The following PREX1 variants were observed in gnomAD, a reference collection of about 807,000 sequenced individuals.
The protein encoded by PREX1 is phosphatidylinositol-3,4,5-trisphosphate dependent Rac exchange factor 1.
Under a neutral mutation model 198.3 loss-of-function variants are expected in PREX1, and 41 were observed. That is an observed-to-expected ratio of 0.21 (90% CI 0.16 to 0.27). The LOEUF (loss-of-function observed/expected upper bound fraction) is 0.27. PREX1 is among the 10% of genes least tolerant of loss of function. The probability of loss-of-function intolerance (pLI) is 1.00; values close to 1 mark genes in which losing one functional copy is unlikely to be tolerated. For missense variants in PREX1, 1,620 were observed against 2,200.7 expected (o/e 0.74, Z 5.28); for synonymous variants, 843 against 887.2 (o/e 0.95, Z 0.89).
Position 48,688,661 on chromosome 20 carries a change from C to T in PREX1, c.1330G>A (p.Gly444Ser). ...KLSTVPKCFL[G>S]NEFVAWLLEI... ...GTTCAGAGTGAGGCTACTCACTTGCCAAGAAAGCACTTGGGGACAGTGCTC... is the reference window on the plus strand; with the variant it reads ...GTTCAGAGTGAGGCTACTCACTTGCTAAGAAAGCACTTGGGGACAGTGCTC... Residue 444 changes from glycine to serine, a missense_variant, in exon 10 of 40, where the codon GGC (glycine) becomes AGC (serine). Gly to Ser is a moderately conservative substitution (Grantham distance 56). This residue lies in a region of PREX1 where 488 missense variants were observed against 802.5 expected (regional missense o/e 0.61). Coordinates refer to ENST00000371941, the MANE Select transcript of PREX1 (RefSeq NM_020820.4). 1 of 1,614,140 alleles carries T rather than the reference C, an allele frequency of 6.2e-7. No homozygotes were observed. The highest frequency in any genetic ancestry group is 8.5e-7 in the Non-Finnish European group (1 of 1,180,016).
intron 5 of PREX1, among the ~76,000 whole-genome samples, chr20:48,721,706 T>C (rs1195544933): frequency 6.6e-6 from 1 of 152,156 alleles, no homozygotes; most frequent in Non-Finnish European, 1.5e-5. Context: ...GACTTCAGTT[T>C]AGCTGCTGAG....
At position 48,827,898 on chromosome 20, in the gene PREX1, G is replaced by T. The variant is rs981924226; in HGVS notation, c.-38C>A. On this transcript the variant is annotated 5_prime_UTR_variant, in exon 1 of 40. Transcript: ENST00000371941. The surrounding 1 kb of genome is among the most constrained non-coding windows in gnomAD (Gnocchi z 4.1). ...GCGCGGCGCCGGCTCCTTCCGTCGCGCCGAGCGGCAACTCAGGCGTCCAGG... is the reference window on the plus strand; with the variant it reads ...GCGCGGCGCCGGCTCCTTCCGTCGCTCCGAGCGGCAACTCAGGCGTCCAGG... The T allele has an allele frequency of 8.7e-6, 8 of 915,622 alleles. No homozygotes were observed. The African/African-American group carries it at 1.5e-4, about 17-fold the overall frequency. 56.7% of individuals were successfully genotyped at this position (915,622 alleles called of 1,614,324 possible).
At chr20:48,715,241 T>C (rs1216717167) in intron 5 of PREX1, among the ~76,000 whole-genome samples, 1 of 152,196 alleles carries the variant, frequency 6.6e-6, no homozygotes, top group Non-Finnish European at 1.5e-5. Context: ...CCGGTGAATC[T>C]GTAAGACCTC....
At chr20:48,651,913 G>A (rs1417880869) in intron 21 of PREX1, among the ~76,000 whole-genome samples, 1 of 152,230 alleles carries the variant, frequency 6.6e-6, no homozygotes, top group African/African-American at 2.4e-5. Context: ...TACTGCCACC[G>A]TCCTGGTAAG....
intron 1 of PREX1, among the ~76,000 whole-genome samples, chr20:48,791,031 G>A (rs965876588): frequency 1.4e-4 from 21 of 152,262 alleles, no homozygotes; most frequent in African/African-American, 4.8e-4. Context: ...CCAGGAATAT[G>A]TGAGAGGGTG....
At chr20:48,650,234 GA>G in intron 23 of PREX1, 28 bp from the exon 24 acceptor site, 1 of 1,574,326 alleles carries the variant, frequency 6.4e-7, no homozygotes. Flanking sequence ...GTAAGGTCGT[GA>G]ATCACAGGGC....
the PREX1 span, among the ~76,000 whole-genome samples, chr20:48,855,155 G>A: frequency 2.6e-5 from 4 of 152,088 alleles, no homozygotes; most frequent in Non-Finnish European, 4.4e-5. Flanking sequence ...TGGGCAAGAA[G>A]GAATCAAAAT....
chr20:48,679,408 C>A lies in PREX1; in HGVS notation c.1541G>T (p.Gly514Val). ...RSELEDIMSK[G>V]VRLYCRLHSL... The stretch of plus-strand genomic sequence containing the variant: ...GTGAAGACGGCAGTAAAGCCTCACA[C>A]CCTGAAAGAAAAAAGGGGAGGAATT... Residue 514 changes from glycine to valine, a missense_variant and splice_region_variant, in exon 13 of 40, where the codon GGT becomes GTT. This residue lies in a region of PREX1 where 488 missense variants were observed against 802.5 expected (regional missense o/e 0.61). Coordinates refer to ENST00000371941, the MANE Select transcript of PREX1 (RefSeq NM_020820.4). 6.2e-7 allele frequency: 1 copy of A among 1,612,662 alleles called. No homozygotes were observed. The highest frequency in any genetic ancestry group is 8.5e-7 in the Non-Finnish European group (1 of 1,179,226).
chr20:48,653,602 G>A, intron 19 of PREX1, 105 bp from the exon 20 acceptor site: 1 of 1,424,302 alleles, frequency 7.0e-7, no homozygotes, highest in Middle Eastern at 2.2e-4. Context: ...CACGCGCAAG[G>A]ACTCCACCTC....
the PREX1 span, among the ~76,000 whole-genome samples, chr20:48,843,908 G>T: frequency 6.6e-6 from 1 of 152,268 alleles, no homozygotes; most frequent in African/African-American, 2.4e-5. Flanking sequence ...ACTTTGGGAG[G>T]CCAAGGCAGG....
At chr20:48,743,881 C>T (rs6095275) in intron 3 of PREX1, among the ~76,000 whole-genome samples, 1 of 152,172 alleles carries the variant, frequency 6.6e-6, no homozygotes. Flanking sequence ...GTCTGCACGC[C>T]TGATCGCACA....
intron 3 of PREX1, among the ~76,000 whole-genome samples, chr20:48,744,029 AT>A (rs2090095770): frequency 6.7e-6 from 1 of 150,170 alleles, no homozygotes; most frequent in Non-Finnish European, 1.5e-5. Context: ...GATGATGATG[AT>A]GATGAGTTAA....
chr20:48,635,156 C>T (rs1187037704), intron 32 of PREX1, among the ~76,000 whole-genome samples: 2 of 152,134 alleles, frequency 1.3e-5, no homozygotes, highest in African/African-American at 2.4e-5. Flanking sequence ...AGCGTTCATT[C>T]GGTCATCCAA....
chr20:48,700,903 G>A lies in PREX1; in HGVS notation c.784-17C>T. On this transcript the variant is annotated splice_polypyrimidine_tract_variant and intron_variant, in intron 6 of 39. Transcript: ENST00000371941. ...GTTGGAACCCTGGAAGCGCAATGAG[G>A]ACACAGTGAATGAGCCAACCCAGGA... The A allele has an allele frequency of 1.9e-6, 3 of 1,613,984 alleles. No homozygotes were observed. Among genetic ancestry groups the A allele is most frequent in the Non-Finnish European group, 2.5e-6 (3 of 1,179,928 alleles).
At chr20:48,641,139 G>A (rs553458874) in intron 29 of PREX1, among the ~76,000 whole-genome samples, 2 of 152,206 alleles carry the variant, frequency 1.3e-5, no homozygotes, top group Admixed American at 1.3e-4. Context: ...AGAGGTAGGT[G>A]GGAGAACATA....
At chr20:48,693,178 C>T (rs6019378) in intron 7 of PREX1, among the ~76,000 whole-genome samples, 72,794 of 151,014 alleles carry the variant, frequency 0.48, 17,706 homozygotes, top group South Asian at 0.63. Context: ...GGGCTTGGAA[C>T]TGGCAGTCCG....
At chr20:48,808,629 AACACCACCTCACTCAGCG>A (rs1310709309) in intron 1 of PREX1, among the ~76,000 whole-genome samples, 10 of 152,288 alleles carry the variant, frequency 6.6e-5, no homozygotes, top group South Asian at 6.2e-4. Context: ...CTCCAAGGAC[AACACCACCTCACTCAGCG>A]ACACCACCTC....
chr20:48,861,752 A>T, the PREX1 span, among the ~76,000 whole-genome samples: 1 of 152,090 alleles, frequency 6.6e-6, no homozygotes, highest in East Asian at 1.9e-4. Context: ...CCAGTTTCCC[A>T]AATAGGGGGA....
intron 1 of PREX1, among the ~76,000 whole-genome samples, chr20:48,767,994 C>T (rs1011741532): frequency 3.9e-5 from 6 of 152,180 alleles, no homozygotes; most frequent in African/African-American, 9.7e-5. Flanking sequence ...CTCCTCTCTG[C>T]GCACTGCCAG....
Sources: gnomAD v4.1 joint callset for allele counts (sites outside exome capture counted in the v4.1 genomes callset) on GRCh38, gnomAD v4.1.1 for gene constraint, gnomAD v4.1.1 regional missense constraint, Gnocchi (gnomAD v3.1) non-coding constraint, MANE v1.5 for transcripts, NCBI Gene and HGNC (gene_info 2026-07-23, HGNC 2026-07-21) for gene names.